PLEC: variants seen among roughly 807,000 people sequenced by gnomAD.
PLEC encodes the protein plectin.
A neutral mutation model predicts 392.8 loss-of-function variants in PLEC; 216 were observed. That is an observed-to-expected ratio of 0.55 (90% CI 0.49 to 0.62). The LOEUF is 0.62. Among genes scored for constraint, PLEC ranks in the 20% least tolerant of loss-of-function variants. The probability of loss-of-function intolerance (pLI) is 0.00; values close to 1 mark genes in which losing one functional copy is unlikely to be tolerated. For synonymous variants in PLEC, 3,621 were observed against 2,980.6 expected (o/e 1.21, Z -7.00); for missense variants, 6,863 against 6,563.4 (o/e 1.05, Z -1.58).
At chr8:143,942,712 A>C (rs149467345), upstream of PLEC, among the ~76,000 whole-genome samples, 2,040 of 152,356 alleles carry the variant, frequency 0.013, 30 homozygotes, top group Non-Finnish European at 0.022. Context: ...AGCCCCGCCC[A>C]GCGCAGCCAG....
chr8:143,927,177 A>C (rs1825514872), intron 28 of PLEC, 75 bp downstream of exon 28: 1 of 1,573,510 alleles, frequency 6.4e-7, no homozygotes, highest in African/African-American at 1.4e-5. Context: ...GGCATGGCCC[A>C]GGCTCAGGGA....
intron 19 of PLEC, among the ~76,000 whole-genome samples, chr8:143,931,066 A>C (rs1827101172): frequency 6.6e-6 from 1 of 152,174 alleles, no homozygotes; most frequent in Non-Finnish European, 1.5e-5. Context: ...TGCCCGCTCC[A>C]GATCTCAGGC....
At chr8:143,953,238 C>T (rs1385563837), upstream of PLEC, among the ~76,000 whole-genome samples, 2 of 150,504 alleles carry the variant, frequency 1.3e-5, no homozygotes, top group African/African-American at 4.9e-5. Context: ...GTCAGGGCTC[C>T]TGGGCAGCCC....
chr8:143,923,788 C>T lies in PLEC; in HGVS notation c.6141G>A (p.Leu2047=), dbSNP rs782689374. Residue 2047 remains leucine (L), a synonymous_variant, in exon 31 of 32, where the codon CTG becomes CTA. Coordinates refer to ENST00000345136, the MANE Select transcript of PLEC (RefSeq NM_201384.3). The stretch of plus-strand genomic sequence containing the variant: ...AGGCGTGTGCCTTCTCTTCCGCCTG[C>T]AGCCGCTTCTGGGCGGCCTCCTGGG... The part of the protein sequence containing the change: ...QLAQEAAQKR[L]QAEEKAHAFA... The T allele has an allele frequency of 3.2e-6, 5 of 1,576,158 alleles. No individual in the cohort carries two copies. Among genetic ancestry groups the T allele is most frequent in the Non-Finnish European group, 3.4e-6 (4 of 1,169,142 alleles).
At chr8:143,948,464 C>G (rs1831752076) in intron 1 of PLEC, among the ~76,000 whole-genome samples, 1 of 152,254 alleles carries the variant, frequency 6.6e-6, no homozygotes, top group Non-Finnish European at 1.5e-5. Context: ...AGCCCTGGCC[C>G]TCTGCCACAC....
In PLEC at chr8:143,922,252, C is replaced by A. The variant is rs369185645; in HGVS notation, c.7569G>T (p.Glu2523Asp). Residue 2523 changes from glutamate to aspartate, a missense_variant, in exon 32 of 32, where the codon GAG becomes GAT. Coordinates refer to ENST00000345136, the MANE Select transcript of PLEC (RefSeq NM_201384.3). ...KAKLEQLFQD[E>D]VAKAQQLREE... ...CACGCAGCTGCTGTGCCTTGGCCAC[C>A]TCGTCCTGGAAGAGCTGCTCCAGCT... The A allele has an allele frequency of 7.3e-5, 117 of 1,595,398 alleles. No homozygotes were observed. The highest frequency in any genetic ancestry group is 8.9e-5 in the Non-Finnish European group (104 of 1,173,832).
rs559779459 is a variant in PLEC at position 143,926,019 on chromosome 8, C to T, written c.4045-135G>A. Reference sequence around the variant, plus strand: ...GGGGAAGACAGAGGCCCCAGCCCGGCGGAGGAGACAGCGTGCACCCGCCCA... The same window carrying T: ...GGGGAAGACAGAGGCCCCAGCCCGGTGGAGGAGACAGCGTGCACCCGCCCA... On this transcript the variant is annotated intron_variant, in intron 30 of 31. Transcript: ENST00000345136. 178 of 1,034,170 alleles carry T rather than the reference C, an allele frequency of 1.7e-4. 1 individual carries two copies. In the East Asian group the frequency reaches 2.1e-3, roughly 12 times the overall value. The allele number at this position is 1,034,170 out of a possible 1,614,324, so 64.1% of individuals were successfully genotyped here.
In PLEC at chr8:143,922,900, C is replaced by T. The variant is rs559198172; in HGVS notation, c.7029G>A (p.Ala2343=). 2.5e-4 allele frequency: 399 copies of T among 1,590,152 alleles called. 2 individuals are homozygous for T. The South Asian group carries it at 3.6e-3, about 14-fold the overall frequency. The change falls in exon 31 of 32, where the codon GCG becomes GCA. Residue 2343 remains alanine, a synonymous_variant. Coordinates refer to ENST00000345136, the MANE Select transcript of PLEC (RefSeq NM_201384.3). ...QQQKELAQEQ[A]RRLQEDKEQM... ...GCTCCTTGTCCTCCTGCAGCCGCCG[C>T]GCCTGCTCCTGCGCAAGCTCCTTCT... is the stretch of plus-strand genomic sequence containing the variant.
chr8:143,931,692 C>T, intron 18 of PLEC, 33 bp from the exon 19 acceptor site: 1 of 1,585,712 alleles, frequency 6.3e-7, no homozygotes, highest in Admixed American at 1.8e-5. Context: ...CGCCAGGCTA[C>T]CTGGGACCAG....
At chr8:143,939,733 A>G, upstream of PLEC, 1 of 1,097,672 alleles carries the variant, frequency 9.1e-7, no homozygotes, top group Non-Finnish European at 1.2e-6. Context: ...TCCCCCACAG[A>G]CACGCCCTCG....
In PLEC at chr8:143,933,146, G is replaced by T. The variant is rs782742682; in HGVS notation, c.1419-35C>A. Reference sequence around the variant, plus strand: ...CAGAGGACTCAGGTAGGTGTTGGCGGGCCTGGGGCCGTGTGTACCTGGGCT... The same window carrying T: ...CAGAGGACTCAGGTAGGTGTTGGCGTGCCTGGGGCCGTGTGTACCTGGGCT... On this transcript the variant is annotated intron_variant, in intron 13 of 31. Coordinates refer to ENST00000345136, the MANE Select transcript of PLEC (RefSeq NM_201384.3). 4 of 1,606,588 alleles carry T rather than the reference G, an allele frequency of 2.5e-6. No individual in the cohort carries two copies. The Admixed American group carries it at 6.7e-5, about 27-fold the overall frequency.
Position 143,920,170 on chromosome 8 carries a change from A to G in PLEC, c.9651T>C (p.Ala3217=). The G allele has an allele frequency of 6.2e-7, 1 of 1,612,344 alleles. No homozygotes were observed. The highest frequency in any genetic ancestry group is 8.5e-7 in the Non-Finnish European group (1 of 1,179,956). Residue 3217 remains alanine (A), a synonymous_variant, in exon 32 of 32, where the codon GCT becomes GCC. Transcript: ENST00000345136. ...AGTAGAGCTCCTCCTGCCGGGCCCG[A>G]GCAGCCTTTTCTGAGAGCGGCAGCA... ...LSLLPLSEKA[A]RARQEELYSE... is the part of the protein sequence containing the mutation.
chr8:143,961,289 G>C (rs1174016956), intron 1 of PLEC, among the ~76,000 whole-genome samples: 6 of 151,402 alleles, frequency 4.0e-5, no homozygotes, highest in Admixed American at 2.6e-4. Flanking sequence ...GCAATGGCGC[G>C]ATCTCAGCTC....
Position 143,920,158 on chromosome 8 carries a change from C to T in PLEC, c.9663G>A (p.Gln3221=), listed in dbSNP as rs1554680814. 9 of 1,612,524 alleles carry T rather than the reference C, an allele frequency of 5.6e-6. No individual in the cohort carries two copies. The highest frequency in any genetic ancestry group is 4.4e-5 in the South Asian group (4 of 91,094). The change falls in exon 32 of 32, where the codon CAG becomes CAA. Residue 3221 remains glutamine, a synonymous_variant. Transcript: ENST00000345136. ...PLSEKAARAR[Q]EELYSELQAR... ...CCTGCAGCTCTGAGTAGAGCTCCTCCTGCCGGGCCCGAGCAGCCTTTTCTG... is the reference window on the plus strand; with the variant it reads ...CCTGCAGCTCTGAGTAGAGCTCCTCTTGCCGGGCCCGAGCAGCCTTTTCTG...
chr8:143,923,112 T>A lies in PLEC; in HGVS notation c.6817A>T (p.Met2273Leu). The A allele has an allele frequency of 6.2e-7, 1 of 1,605,310 alleles. No individual in the cohort carries two copies. The highest frequency in any genetic ancestry group is 1.3e-5 in the African/African-American group (1 of 74,962). ...GCGGCCTCCTCCGCCACCTGCTTCA[T>A]CTTCTCAGCCTCCTCCTGCAGGAAG... ...QRFLQEEAEK[M>L]KQVAEEAARL... The change falls in exon 31 of 32, where the codon ATG (methionine) becomes TTG (leucine). Residue 2273 changes from methionine (M) to leucine (L), a missense_variant. Physicochemically the swap from Met to Leu is conservative, Grantham distance 15 (BLOSUM62 2). Transcript: ENST00000345136.
chr8:143,938,922 G>A lies in PLEC; in HGVS notation c.113-230C>T, dbSNP rs1294568254. On this transcript the variant is annotated intron_variant, in intron 1 of 31. Transcript: ENST00000345136. Reference sequence around the variant, plus strand: ...CCACCAGGTGCAGCCACCCCACCCCGGACTCTTCCCCCGAGGAAATGGGAG... The same window carrying A: ...CCACCAGGTGCAGCCACCCCACCCCAGACTCTTCCCCCGAGGAAATGGGAG... Among the ~76,000 whole-genome samples, 4 of 152,010 alleles carry A rather than the reference G, an allele frequency of 2.6e-5. 1 individual carries two copies. The highest frequency in any genetic ancestry group is 4.1e-4 in the South Asian group (2 of 4,824).
upstream of PLEC, chr8:143,950,960 C>G (rs1271194014): frequency 1.1e-5 from 8 of 701,678 alleles, no homozygotes; most frequent in African/African-American, 1.9e-5. Context: ...GACGCCGGGC[C>G]GGCCCCCTCT....
At chr8:143,925,958 C>T (rs1226194153) in intron 30 of PLEC, 74 bp from the exon 31 acceptor site, 40 of 1,439,122 alleles carry the variant, frequency 2.8e-5, no homozygotes, top group Middle Eastern at 4.6e-4. Flanking sequence ...GGGCACGCAC[C>T]GGCACAGTTC....
At chr8:143,942,554 G>C, upstream of PLEC, 4 of 1,531,906 alleles carry the variant, frequency 2.6e-6, no homozygotes, top group Non-Finnish European at 3.5e-6. Context: ...CCCACGGACA[G>C]TGCGGGGAGC....
Sources: allele counts gnomAD v4.1 joint callset (sites outside exome capture counted in the v4.1 genomes callset), GRCh38; gene constraint gnomAD v4.1.1; transcripts MANE v1.5; gene names NCBI Gene and HGNC (gene_info 2026-07-23, HGNC 2026-07-21).